Variants in PPA2 observed in about 807,000 individuals in gnomAD.
The protein encoded by PPA2 is inorganic pyrophosphatase 2.
PPA2 carries 48 observed loss-of-function variants against 49.5 expected under a neutral mutation model. The observed-to-expected ratio is 0.97, with a 90% CI of 0.77 to 1.23. The LOEUF (loss-of-function observed/expected upper bound fraction) is 1.23, where lower values mean the gene tolerates loss of function less well. Ranked by LOEUF, PPA2 falls within the 50% of genes most tolerant of loss-of-function variation. PPA2 has a pLI of 0.00. For missense variants in PPA2, 429 were observed against 410.1 expected, an observed-to-expected ratio of 1.05 and a Z score of -0.40; for synonymous variants, 131 against 139.9, an observed-to-expected ratio of 0.94 and a Z score of 0.45.
chr4:105,445,312 G>A (rs760485632), intron 5 of PPA2, among the ~76,000 whole-genome samples: 4 of 152,012 alleles, frequency 2.6e-5, no homozygotes, highest in Non-Finnish European at 5.9e-5. Context: ...TTTTGCTGTT[G>A]GGTCAAACAG....
At chr4:105,453,333 A>C (rs1206989835) in intron 3 of PPA2, among the ~76,000 whole-genome samples, 1 of 152,220 alleles carries the variant, frequency 6.6e-6, no homozygotes, top group African/African-American at 2.4e-5. Flanking sequence ...TGAGGATTCC[A>C]CAACAATGTG....
intron 1 of PPA2, among the ~76,000 whole-genome samples, chr4:105,460,670 C>T (rs1215726071): frequency 6.6e-6 from 1 of 152,042 alleles, no homozygotes; most frequent in Non-Finnish European, 1.5e-5. Context: ...CTCTAAGAAT[C>T]CAGGAAGTTA....
chr4:105,394,606 CTT>C (rs747413702), intron 9 of PPA2, among the ~76,000 whole-genome samples: 6 of 152,102 alleles, frequency 3.9e-5, no homozygotes, highest in Non-Finnish European at 5.9e-5. Flanking sequence ...AATGTTAACT[CTT>C]ACTGTTAATG....
intron 6 of PPA2, among the ~76,000 whole-genome samples, chr4:105,430,931 A>G (rs1332806196): frequency 6.6e-6 from 1 of 152,168 alleles, no homozygotes; most frequent in African/African-American, 2.4e-5. Flanking sequence ...GGAAACAAAG[A>G]TACTGGGATT....
chr4:105,398,933 T>A (rs530735595), intron 8 of PPA2, 104 bp downstream of exon 8: 29 of 1,216,464 alleles, frequency 2.4e-5, no homozygotes, highest in African/African-American at 7.9e-5. Context: ...AGCACTTTTT[T>A]AACCATGCTA....
chr4:105,378,562 C>T (rs1192102854), intron 10 of PPA2, among the ~76,000 whole-genome samples: 3 of 151,956 alleles, frequency 2.0e-5, no homozygotes, highest in Non-Finnish European at 4.4e-5. Context: ...CCTAAGAATG[C>T]CTTTTGTAGA....
intron 9 of PPA2, among the ~76,000 whole-genome samples, chr4:105,389,401 A>G (rs1043403109): frequency 6.6e-6 from 1 of 151,582 alleles, no homozygotes; most frequent in African/African-American, 2.4e-5. Context: ...ATAATCATTT[A>G]AAGGAGGGAT....
rs1732938421 is a variant in PPA2, at chr4:105,369,538, T to C, written c.*187A>G. 1.8e-6 allele frequency: 1 copy of C among 564,158 alleles called. No individual in the cohort carries two copies. Among genetic ancestry groups the C allele is most frequent in the Admixed American group, 3.2e-5 (1 of 30,864 alleles). 34.9% of individuals were successfully genotyped at this position (564,158 alleles called of 1,614,324 possible). A position where few individuals can be genotyped will look rare whatever the true frequency, so the allele number is the denominator to read the frequency against. ...GTGCCTGGCCAAAATCTTCTTTTTATATCAATAAATGTCCAAAGGAGAGTA... is the reference window on the plus strand; with the variant it reads ...GTGCCTGGCCAAAATCTTCTTTTTACATCAATAAATGTCCAAAGGAGAGTA... On this transcript the variant is annotated 3_prime_UTR_variant, in exon 12 of 12. Transcript: ENST00000341695.
At position 105,449,090 on chromosome 4, in the gene PPA2, G is replaced by A. The variant is rs905032496; in HGVS notation, c.321+260C>T. ...AAAATAGCCGGGCGTAGTGGCGGGC[G>A]CCTGTAGTCCTAGCTACTTGGGAGG... On this transcript the variant is annotated intron_variant, in intron 4 of 11. Coordinates refer to ENST00000341695, the MANE Select transcript of PPA2 (RefSeq NM_176869.3). Among the ~76,000 whole-genome samples, 263 of 137,366 alleles carry A rather than the reference G, an allele frequency of 1.9e-3. 29 individuals carry two copies. Among genetic ancestry groups the A allele is most frequent in the African/African-American group, 7.9e-3 (252 of 31,968 alleles). The allele number at this position is 137,366 out of a possible 152,430, so 90.1% of individuals were successfully genotyped here.
rs2726526 is a variant in PPA2, at chr4:105,370,964, G to C, written c.940-91C>G. 806,113 of 1,246,598 alleles carry C rather than the reference G, an allele frequency of 0.65. 261,672 individuals carry two copies. Among genetic ancestry groups the C allele is most frequent in the East Asian group, 0.72 (22,918 of 31,804 alleles). The allele number at this position is 1,246,598 out of a possible 1,614,324, so 77.2% of individuals were successfully genotyped here. Reference sequence around the variant, plus strand: ...GAAGTTTTTTCACGAAATTATAGAAGAAAGTTTACACACAATGGATCTCTA... The same window carrying C: ...GAAGTTTTTTCACGAAATTATAGAACAAAGTTTACACACAATGGATCTCTA... On this transcript the variant is annotated intron_variant, in intron 10 of 11. Coordinates refer to ENST00000341695, the MANE Select transcript of PPA2 (RefSeq NM_176869.3).
At chr4:105,379,735 G>C (rs1733409242) in intron 10 of PPA2, among the ~76,000 whole-genome samples, 1 of 151,020 alleles carries the variant, frequency 6.6e-6, no homozygotes, top group South Asian at 2.1e-4. Flanking sequence ...CTGGGTTCAA[G>C]CGATTATCCT....
intron 1 of PPA2, among the ~76,000 whole-genome samples, chr4:105,463,264 T>C (rs993467605): frequency 3.3e-5 from 5 of 152,192 alleles, no homozygotes; most frequent in African/African-American, 9.7e-5. Flanking sequence ...AAGGTGATTC[T>C]TGACAGTTTT....
chr4:105,400,083 T>C (rs1734298810), intron 7 of PPA2, among the ~76,000 whole-genome samples: 1 of 152,142 alleles, frequency 6.6e-6, no homozygotes. Context: ...TTTATTTTGC[T>C]TCAGAATGGC....
chr4:105,441,027 G>A (rs1724336249), intron 5 of PPA2, among the ~76,000 whole-genome samples: 1 of 152,046 alleles, frequency 6.6e-6, no homozygotes, highest in African/African-American at 2.4e-5. Flanking sequence ...AATTTAACTT[G>A]AAAATACAGT....
intron 10 of PPA2, among the ~76,000 whole-genome samples, chr4:105,372,276 C>T (rs1733058302): frequency 6.6e-6 from 1 of 152,096 alleles, no homozygotes; most frequent in African/African-American, 2.4e-5. Context: ...TAACTTTGGC[C>T]CCTTGGTCTT....
rs1048025562 is a variant in PPA2 at position 105,464,233 on chromosome 4, T to G, written c.158-7488A>C. Among the ~76,000 whole-genome samples, 7 of 152,204 alleles carry G rather than the reference T, an allele frequency of 4.6e-5. 1 individual carries two copies. The highest frequency in any genetic ancestry group is 1.0e-4 in the Non-Finnish European group (7 of 68,028). On this transcript the variant is annotated intron_variant, in intron 1 of 11. Transcript: ENST00000341695. ...GACACATGGAATCAAAGGAGATCAT[T>G]TGGAGCTTTAATATTTGACTGCTCT...
intron 5 of PPA2, among the ~76,000 whole-genome samples, chr4:105,445,175 T>G (rs1236313497): frequency 6.6e-6 from 1 of 152,212 alleles, no homozygotes; most frequent in Non-Finnish European, 1.5e-5. Context: ...CCTTAGTTTA[T>G]TCTCTAGCTC....
intron 7 of PPA2, among the ~76,000 whole-genome samples, chr4:105,410,749 G>A (rs534662173): frequency 1.3e-5 from 2 of 152,284 alleles, no homozygotes; most frequent in East Asian, 3.9e-4. Flanking sequence ...AAGAGAGTGG[G>A]GGCCAATATT....
intron 1 of PPA2, among the ~76,000 whole-genome samples, chr4:105,458,528 C>A (rs1047264734): frequency 2.6e-5 from 4 of 152,000 alleles, no homozygotes; most frequent in Admixed American, 1.3e-4. Context: ...TTCTGCCCAA[C>A]AAAAACAGAG....
Sources: allele counts gnomAD v4.1 joint callset (sites outside exome capture counted in the v4.1 genomes callset), GRCh38; gene constraint gnomAD v4.1.1; transcripts MANE v1.5; gene names NCBI Gene and HGNC (gene_info 2026-07-23, HGNC 2026-07-21).